The following GALNT13 variants were observed in gnomAD, a reference collection of about 807,000 sequenced individuals.
GALNT13 encodes the protein UDP-GalNAc:polypeptide N-acetylgalactosaminyltransferase 13.
In GALNT13, 28 loss-of-function variants were observed where a neutral mutation model predicts 64.2. The ratio of observed to expected loss-of-function variants is 0.44; its 90% confidence interval spans 0.32 to 0.60. The LOEUF (loss-of-function observed/expected upper bound fraction) is 0.60, where lower values mean the gene tolerates loss of function less well. Ranked by LOEUF, GALNT13 falls within the 20% of genes least tolerant of loss-of-function variation. The probability of loss-of-function intolerance (pLI) is 0.05; values close to 1 mark genes in which losing one functional copy is unlikely to be tolerated. For synonymous variants in GALNT13, 214 were observed against 224.6 expected, an observed-to-expected ratio of 0.95 and a Z score of 0.42; for missense variants, 577 against 669.8, an observed-to-expected ratio of 0.86 and a Z score of 1.53.
the GALNT13 span, among the ~76,000 whole-genome samples, chr2:153,166,695 T>A: frequency 6.7e-6 from 1 of 148,924 alleles, no homozygotes; most frequent in East Asian, 2.0e-4. Flanking sequence ...CCTTGGTAGG[T>A]TCTCAGATAC....
At chr2:153,592,066 A>G in the GALNT13 span, among the ~76,000 whole-genome samples, 1 of 89,742 alleles carries the variant, frequency 1.1e-5, no homozygotes, top group Admixed American at 1.0e-4. Context: ...TTAACAGATT[A>G]TATATATATA....
At chr2:153,582,287 C>T in the GALNT13 span, among the ~76,000 whole-genome samples, 3 of 152,168 alleles carry the variant, frequency 2.0e-5, no homozygotes, top group East Asian at 5.8e-4. Flanking sequence ...GTATTGATGA[C>T]AATCTCAAGA....
intron 8 of GALNT13, among the ~76,000 whole-genome samples, chr2:154,287,888 T>C (rs1692364282): frequency 6.6e-6 from 1 of 152,168 alleles, no homozygotes; most frequent in Non-Finnish European, 1.5e-5. Context: ...TCTCCCAGTC[T>C]TGCTAGACTG....
chr2:153,373,917 T>C, the GALNT13 span, among the ~76,000 whole-genome samples: 1 of 152,230 alleles, frequency 6.6e-6, no homozygotes, highest in Admixed American at 6.5e-5. Flanking sequence ...TCAAGTTTCA[T>C]GGACATTGCT....
the GALNT13 span, among the ~76,000 whole-genome samples, chr2:153,116,441 T>C: frequency 6.6e-6 from 1 of 152,182 alleles, no homozygotes; most frequent in African/African-American, 2.4e-5. Context: ...TATCCAGTCA[T>C]GTTCAGACTT....
chr2:153,883,227 A>AT (rs1315713218), intron 1 of GALNT13, among the ~76,000 whole-genome samples: 3 of 151,664 alleles, frequency 2.0e-5, no homozygotes, highest in African/African-American at 7.2e-5. Context: ...AAAATTTGTG[A>AT]TTTTAAATGG....
the GALNT13 span, among the ~76,000 whole-genome samples, chr2:153,670,360 G>A: frequency 6.6e-6 from 1 of 152,276 alleles, no homozygotes; most frequent in East Asian, 1.9e-4. Flanking sequence ...GGGTCAGACA[G>A]CAATATTAGC....
At chr2:154,265,642 TG>T (rs1690954422) in intron 8 of GALNT13, among the ~76,000 whole-genome samples, 1 of 152,108 alleles carries the variant, frequency 6.6e-6, no homozygotes, top group African/African-American at 2.4e-5. Context: ...GAGGTTGCAG[TG>T]AGCCAAGACT....
the GALNT13 span, among the ~76,000 whole-genome samples, chr2:153,534,695 TG>T: frequency 6.8e-6 from 1 of 147,968 alleles, no homozygotes; most frequent in East Asian, 2.0e-4. Flanking sequence ...CGGGCAGGAG[TG>T]GGGGTCGCAA....
the GALNT13 span, among the ~76,000 whole-genome samples, chr2:153,599,414 G>T: frequency 6.6e-6 from 1 of 151,868 alleles, no homozygotes; most frequent in Non-Finnish European, 1.5e-5. Flanking sequence ...CTTGGTCTTT[G>T]GTAAGCACCA....
chr2:154,412,944 AAAGAAT>A (rs1335726631), intron 11 of GALNT13, among the ~76,000 whole-genome samples: 3 of 151,882 alleles, frequency 2.0e-5, no homozygotes, highest in African/African-American at 4.8e-5. Flanking sequence ...AACACTTTGA[AAAGAAT>A]AAGAATAATT....
the GALNT13 span, among the ~76,000 whole-genome samples, chr2:153,360,158 G>A: frequency 6.6e-6 from 1 of 152,190 alleles, no homozygotes; most frequent in African/African-American, 2.4e-5. Context: ...AGAGCAGTGG[G>A]GTATGACAGC....
the GALNT13 span, among the ~76,000 whole-genome samples, chr2:153,705,226 G>A: frequency 6.6e-6 from 1 of 152,094 alleles, no homozygotes; most frequent in South Asian, 2.1e-4. Flanking sequence ...TGGCTCCACT[G>A]ACTAGTCTTG....
chr2:153,161,718 G>A, the GALNT13 span, among the ~76,000 whole-genome samples: 3 of 152,078 alleles, frequency 2.0e-5, no homozygotes, highest in African/African-American at 7.2e-5. Context: ...GAGAAATGAA[G>A]GAAGGAGGTT....
At chr2:154,329,383 G>GAAT (rs1553515893) in intron 9 of GALNT13, among the ~76,000 whole-genome samples, 1 of 152,196 alleles carries the variant, frequency 6.6e-6, no homozygotes, top group Non-Finnish European at 1.5e-5. Flanking sequence ...GATTACAGGC[G>GAAT]TAAGCCACCA....
the GALNT13 span, among the ~76,000 whole-genome samples, chr2:153,115,535 C>T: frequency 7.9e-5 from 12 of 152,010 alleles, no homozygotes; most frequent in African/African-American, 1.9e-4. Context: ...TGATCATTGT[C>T]GGTATTTCCT....
the GALNT13 span, among the ~76,000 whole-genome samples, chr2:153,541,804 T>A: frequency 2.6e-5 from 4 of 152,316 alleles, no homozygotes; most frequent in South Asian, 6.2e-4. Flanking sequence ...CAGTTGCCCA[T>A]AGTTTGTTGA....
the GALNT13 span, among the ~76,000 whole-genome samples, chr2:153,629,628 A>C: frequency 6.6e-6 from 1 of 152,100 alleles, no homozygotes; most frequent in South Asian, 2.1e-4. Flanking sequence ...CAATGGCAAC[A>C]AAAGACAAAT....
intron 8 of GALNT13, among the ~76,000 whole-genome samples, chr2:154,263,240 G>C (rs1219330549): frequency 2.0e-5 from 3 of 152,098 alleles, no homozygotes; most frequent in Non-Finnish European, 4.4e-5. Flanking sequence ...TGTAAGCTTA[G>C]GTAAGATAGC....
Sources: gnomAD v4.1 joint callset for allele counts (sites outside exome capture counted in the v4.1 genomes callset) on GRCh38, gnomAD v4.1.1 for gene constraint, MANE v1.5 for transcripts, NCBI Gene and HGNC (gene_info 2026-07-23, HGNC 2026-07-21) for gene names.